Variants in DMPK observed in about 807,000 individuals in gnomAD.
DMPK encodes the protein DM1 protein kinase.
DMPK carries 32 observed loss-of-function variants against 70.3 expected under a neutral mutation model. The observed-to-expected ratio is 0.46, with a 90% CI of 0.34 to 0.61. The LOEUF (loss-of-function observed/expected upper bound fraction) is 0.61, where lower values mean the gene tolerates loss of function less well. DMPK is among the 20% of genes least tolerant of loss of function. The pLI, the probability that DMPK is intolerant of heterozygous loss-of-function variation, is 0.01. For synonymous variants in DMPK, 469 were observed against 390.9 expected, an observed-to-expected ratio of 1.20 and a Z score of -2.36; for missense variants, 899 against 886.0, an observed-to-expected ratio of 1.01 and a Z score of -0.19.
Position 45,779,434 on chromosome 19 carries a change from C to T in DMPK, c.336+5G>A. Reference sequence around the variant, plus strand: ...AAAGCCCCCCACGTCCGCCCAGCCCCTCACCTCGCCCCTCTTCAGCATGTC... The same window carrying T: ...AAAGCCCCCCACGTCCGCCCAGCCCTTCACCTCGCCCCTCTTCAGCATGTC... On this transcript the variant is annotated splice_donor_5th_base_variant and intron_variant, in intron 3 of 14. Coordinates refer to ENST00000291270, the MANE Select transcript of DMPK (RefSeq NM_004409.5). The T allele has an allele frequency of 6.2e-7, 1 of 1,614,000 alleles. No individual in the cohort carries two copies. The highest frequency in any genetic ancestry group is 8.5e-7 in the Non-Finnish European group (1 of 1,180,014).
At chr19:45,775,145 A>C (rs549142572) in intron 8 of DMPK, 111 bp from the exon 9 acceptor site, 17 of 768,038 alleles carry the variant, frequency 2.2e-5, no homozygotes, top group African/African-American at 3.5e-5. Flanking sequence ...GGGCTTATCT[A>C]AAGTGGCCCC....
chr19:45,778,088 A>G (rs767476529), intron 6 of DMPK, 39 bp downstream of exon 6: 1 of 1,529,634 alleles, frequency 6.5e-7, no homozygotes, highest in South Asian at 1.2e-5. Context: ...ATCCCTCATC[A>G]GCAGCCCCAG....
At position 45,777,669 on chromosome 19, in the gene DMPK, T is replaced by G; in HGVS notation, c.880A>C (p.Lys294Gln). ...AETYGKIVHY[K>Q]EHLSLPLVDE... ...GGTCTCCCTGCGGCCGTGCTCACCT[T>G]GTAGTGGACGATCTTGCCATAGGTC... is the stretch of plus-strand genomic sequence containing the variant. Residue 294 changes from lysine to glutamine, a missense_variant and splice_region_variant, in exon 7 of 15, where the codon AAG (lysine) becomes CAG (glutamine). Transcript: ENST00000291270. The surrounding 1 kb of genome is among the most constrained non-coding windows in gnomAD (Gnocchi z 6.7). 6.2e-7 allele frequency: 1 copy of G among 1,613,964 alleles called. No homozygotes were observed. The highest frequency in any genetic ancestry group is 8.5e-7 in the Non-Finnish European group (1 of 1,180,014).
At position 45,771,767 on chromosome 19, in the gene DMPK, C is replaced by G. The variant is rs1279260433; in HGVS notation, c.1502+4G>C. The G allele has an allele frequency of 6.3e-7, 1 of 1,577,974 alleles. No homozygotes were observed. ...CCGGCCCCGGCCCCGGCCCCGATCC[C>G]GACCTGGCGAAGTTCTGGTTGTCCG... On this transcript the variant is annotated splice_donor_region_variant and intron_variant, in intron 11 of 14. Coordinates refer to ENST00000291270, the MANE Select transcript of DMPK (RefSeq NM_004409.5).
At position 45,770,934 on chromosome 19, in the gene DMPK, C is replaced by G. The variant is rs548025387; in HGVS notation, c.1737+37G>C. ...GGCAAGGGGCGGGTGGAGCGCGGGG[C>G]GCGACGGCGGAGGGGGGCGTGGGCA... On this transcript the variant is annotated intron_variant, in intron 14 of 14. Transcript: ENST00000291270. The G allele has an allele frequency of 8.7e-6, 12 of 1,371,510 alleles. No homozygotes were observed. In the African/African-American group the frequency reaches 1.5e-4, roughly 17 times the overall value. The allele number at this position is 1,371,510 out of a possible 1,614,324, so 85.0% of individuals were successfully genotyped here.
chr19:45,779,887 G>A lies in DMPK; in HGVS notation c.161-18C>T. 2 of 1,613,638 alleles carry A rather than the reference G, an allele frequency of 1.2e-6. No individual in the cohort carries two copies. Among genetic ancestry groups the A allele is most frequent in the Non-Finnish European group, 1.7e-6 (2 of 1,179,930 alleles). ...GGGCTCCGCTGGGGGGGTGGTGGGG[G>A]AAAAGAACCGAGGGTCACCAGAAAG... On this transcript the variant is annotated intron_variant, in intron 1 of 14. Coordinates refer to ENST00000291270, the MANE Select transcript of DMPK (RefSeq NM_004409.5).
intron 14 of DMPK, 101 bp from the exon 15 acceptor site, chr19:45,770,741 G>GCCCCGC (rs993282538): frequency 3.0e-6 from 4 of 1,348,338 alleles, no homozygotes; most frequent in East Asian, 5.0e-5. Context: ...TCTTCCCTGC[G>GCCCCGC]CCCCGCCCCC....
At chr19:45,780,698 G>A (rs898583575) in intron 1 of DMPK, 4 of 741,496 alleles carry the variant, frequency 5.4e-6, no homozygotes, top group Non-Finnish European at 6.6e-6. Context: ...GGGAGGGAAG[G>A]AGAGGAGACA....
intron 1 of DMPK, chr19:45,780,172 T>G: frequency 1.4e-6 from 2 of 1,438,232 alleles, no homozygotes; most frequent in Non-Finnish European, 1.8e-6. Context: ...GGACAGACCC[T>G]AAAGAACAAG....
At chr19:45,778,073 C>G in intron 6 of DMPK, 54 bp downstream of exon 6, 1 of 1,465,080 alleles carries the variant, frequency 6.8e-7, no homozygotes, top group Non-Finnish European at 9.4e-7. Flanking sequence ...CACTCTGTGC[C>G]TTCCATCCCT....
At chr19:45,772,589 C>T (rs1969528690) in intron 10 of DMPK, 52 bp downstream of exon 10, 1 of 1,287,648 alleles carries the variant, frequency 7.8e-7, no homozygotes, top group Non-Finnish European at 1.1e-6. Context: ...GAAGCCCTCA[C>T]CTTTTCTCTC....
intron 14 of DMPK, 55 bp downstream of exon 14, chr19:45,770,916 G>C (rs1259293562): frequency 7.0e-6 from 9 of 1,288,928 alleles, no homozygotes; most frequent in Non-Finnish European, 9.2e-6. Flanking sequence ...GGTGGCAAGG[G>C]GCGGGTGGAG....
intron 8 of DMPK, among the ~76,000 whole-genome samples, chr19:45,775,818 C>CTTT (rs1302500628): frequency 1.1e-4 from 9 of 84,486 alleles, no homozygotes; most frequent in Non-Finnish European, 1.6e-4. Flanking sequence ...TTGCCCAACC[C>CTTT]TTTTTTTTTT....
rs370867347 is a variant in DMPK, at chr19:45,782,177, G to A, written c.160+16C>T. 1.1e-3 allele frequency: 363 copies of A among 342,284 alleles called. No individual in the cohort carries two copies. Among genetic ancestry groups the A allele is most frequent in the Non-Finnish European group, 1.3e-3 (295 of 221,176 alleles). 21.2% of individuals were successfully genotyped at this position (342,284 alleles called of 1,614,324 possible). A position where few individuals can be genotyped will look rare whatever the true frequency, so the allele number is the denominator to read the frequency against. On this transcript the variant is annotated intron_variant, in intron 1 of 14. Coordinates refer to ENST00000291270, the MANE Select transcript of DMPK (RefSeq NM_004409.5). ...CCCCCACCCCATCTGCAGGAGCCCC[G>A]AGGGTAGGCACTCACCCCACTGCAA...
chr19:45,772,721 C>A lies in DMPK; in HGVS notation c.1264G>T (p.Glu422Ter), dbSNP rs952242448. Reference protein sequence around the residue: ...DSEVPGPTPMELEAEQLLEPH... With the variant: ...DSEVPGPTPM ...TCAAGCAGCTGCTCGGCCTCCAGTT[C>A]CATGGGTGTGGGGCCTGGGACCTCA... The change falls in exon 10 of 15, where the codon GAA (glutamate) becomes TAA (stop). Residue 422 changes from glutamate (E) to a stop codon, truncating the protein, a stop_gained. Transcript: ENST00000291270. LOFTEE classifies it high-confidence loss of function. 3.3e-6 allele frequency: 5 copies of A among 1,515,206 alleles called. No individual in the cohort carries two copies. Among genetic ancestry groups the A allele is most frequent in the Non-Finnish European group, 4.4e-6 (5 of 1,143,908 alleles). The allele number at this position is 1,515,206 out of a possible 1,614,324, so 93.9% of individuals were successfully genotyped here. A position where few individuals can be genotyped will look rare whatever the true frequency, so the allele number is the denominator to read the frequency against.
chr19:45,775,148 G>C, intron 8 of DMPK, 114 bp from the exon 9 acceptor site: 1 of 752,626 alleles, frequency 1.3e-6, no homozygotes. Flanking sequence ...CTTATCTAAA[G>C]TGGCCCCTCC....
Position 45,771,755 on chromosome 19 carries a change from C to G in DMPK, c.1502+16G>C, listed in dbSNP as rs999261211. On this transcript the variant is annotated intron_variant, in intron 11 of 14. Coordinates refer to ENST00000291270, the MANE Select transcript of DMPK (RefSeq NM_004409.5). ...CCGGCCCGCATCCCGGCCCCGGCCC[C>G]GGCCCCGATCCCGACCTGGCGAAGT... The G allele has an allele frequency of 1.3e-6, 2 of 1,587,272 alleles. No homozygotes were observed. The highest frequency in any genetic ancestry group is 1.7e-4 in the Middle Eastern group (1 of 6,042).
At chr19:45,779,188 T>C in intron 4 of DMPK, 76 bp downstream of exon 4, 1 of 1,474,214 alleles carries the variant, frequency 6.8e-7, no homozygotes, top group East Asian at 2.3e-5. Context: ...TCCTAGAGCT[T>C]CCTCTCCCCA....
chr19:45,771,797 G>C lies in DMPK; in HGVS notation c.1476C>G (p.Ile492Met), dbSNP rs1214092615. ...RQSLSREMEAIRTDNQNFASQ... is the reference protein window; with the variant it reads ...RQSLSREMEAMRTDNQNFASQ... Reference sequence around the variant, plus strand: ...TGGCGAAGTTCTGGTTGTCCGTGCGGATGGCCTCCATCTCCCGGCTCAGGC... The same window carrying C: ...TGGCGAAGTTCTGGTTGTCCGTGCGCATGGCCTCCATCTCCCGGCTCAGGC... Residue 492 changes from isoleucine (I) to methionine (M), a missense_variant, in exon 11 of 15, where the codon ATC (isoleucine) becomes ATG (methionine). By Grantham distance (10) the Ile-to-Met change is conservative. This residue lies in a region of DMPK where 555 missense variants were observed against 483.8 expected (regional missense o/e 1.15). Transcript: ENST00000291270. 2 of 1,569,558 alleles carry C rather than the reference G, an allele frequency of 1.3e-6. No individual in the cohort carries two copies. Among genetic ancestry groups the C allele is most frequent in the African/African-American group, 1.4e-5 (1 of 73,828 alleles).
Sources: gnomAD v4.1 joint callset for allele counts (sites outside exome capture counted in the v4.1 genomes callset) on GRCh38, gnomAD v4.1.1 for gene constraint, gnomAD v4.1.1 regional missense constraint, Gnocchi (gnomAD v3.1) non-coding constraint, MANE v1.5 for transcripts, NCBI Gene and HGNC (gene_info 2026-07-23, HGNC 2026-07-21) for gene names.